Variants in RNF32 observed in about 807,000 individuals in gnomAD.
RNF32 encodes ring finger protein 32.
Under a neutral mutation model 41.0 loss-of-function variants are expected in RNF32, and 36 were observed. The ratio of observed to expected loss-of-function variants is 0.88; its 90% CI spans 0.67 to 1.16. RNF32 has a LOEUF of 1.16. Ranked by LOEUF, RNF32 falls within the 50% of genes most tolerant of loss-of-function variation. The pLI, the probability that RNF32 is intolerant of heterozygous loss-of-function variation, is 0.00. For missense variants in RNF32, 413 were observed against 436.7 expected (o/e 0.95, Z 0.48); for synonymous variants, 154 against 160.9 (o/e 0.96, Z 0.32).
At chr7:156,664,697 T>C (rs1269590224) in intron 7 of RNF32, among the ~76,000 whole-genome samples, 1 of 152,224 alleles carries the variant, frequency 6.6e-6, no homozygotes, top group Non-Finnish European at 1.5e-5. Flanking sequence ...TAATAATAAA[T>C]GTGAGACAAA....
At chr7:156,664,860 TA>T (rs1563089634) in intron 7 of RNF32, among the ~76,000 whole-genome samples, 1 of 152,202 alleles carries the variant, frequency 6.6e-6, no homozygotes. Flanking sequence ...TTTCCAATGA[TA>T]GAAACAGAAT....
At chr7:156,673,919 A>AAAAG (rs1803191137) in intron 7 of RNF32, among the ~76,000 whole-genome samples, 4 of 150,196 alleles carry the variant, frequency 2.7e-5, no homozygotes, top group South Asian at 4.2e-4. Context: ...AAAAAAAAAA[A>AAAAG]AAAGAAAAAG....
At chr7:156,640,508 CGCTGCGCGAGCCTCGACG>C (rs1797132217), upstream of RNF32, 1 of 356,686 alleles carries the variant, frequency 2.8e-6, no homozygotes, top group Admixed American at 3.9e-5. Context: ...CAAAAACGCC[CGCTGCGCGAGCCTCGACG>C]GGAACGCACC....
At chr7:156,640,966 G>A (rs947350372) in intron 1 of RNF32, 155 bp downstream of exon 1, 5 of 174,244 alleles carry the variant, frequency 2.9e-5, no homozygotes, top group Admixed American at 1.9e-4. Flanking sequence ...GTCGGGTCCC[G>A]TAGCGGCGCG....
chr7:156,664,361 T>C (rs562318118), intron 7 of RNF32, among the ~76,000 whole-genome samples: 85 of 152,204 alleles, frequency 5.6e-4, no homozygotes, highest in African/African-American at 2.0e-3. Context: ...CTCAGGAGGC[T>C]GAGGCAGGAG....
Position 156,651,092 on chromosome 7 carries a change from A to C in RNF32, c.275-3484A>C, listed in dbSNP as rs996222454. Among the ~76,000 whole-genome samples, 5 of 152,264 alleles carry C rather than the reference A, an allele frequency of 3.3e-5. No homozygotes were observed. In the East Asian group the frequency reaches 9.7e-4, roughly 29 times the overall value. On this transcript the variant is annotated intron_variant, in intron 3 of 8. Transcript: ENST00000317955. ...GATCCATGGGCATAGTTTTAGAAGT[A>C]AAATTGTTCTATGAGGATTATAACA...
At chr7:156,676,292 CAG>C (rs750580669) in intron 8 of RNF32, 125 bp from the exon 9 acceptor site, 4 of 1,591,312 alleles carry the variant, frequency 2.5e-6, no homozygotes, top group Non-Finnish European at 3.4e-6. Context: ...GATTTTAACA[CAG>C]AATGAAACTT....
At chr7:156,675,905 C>T in intron 8 of RNF32, 42 bp downstream of exon 8, 1 of 1,590,860 alleles carries the variant, frequency 6.3e-7, no homozygotes, top group Non-Finnish European at 8.6e-7. Flanking sequence ...GACTCAGCTG[C>T]AGCTGCAGAG....
chr7:156,673,754 C>A (rs765235151), intron 7 of RNF32, among the ~76,000 whole-genome samples: 1 of 152,172 alleles, frequency 6.6e-6, no homozygotes, highest in Non-Finnish European at 1.5e-5. Flanking sequence ...AGAAAGGCAG[C>A]TCATAGTCTC....
rs376626553 is a variant in RNF32, at chr7:156,644,609, A to C, written c.126A>C (p.Thr42=). The C allele has an allele frequency of 9.9e-6, 16 of 1,613,562 alleles. No individual in the cohort carries two copies. Among genetic ancestry groups the C allele is most frequent in the Non-Finnish European group, 1.4e-5 (16 of 1,179,656 alleles). The part of the protein sequence containing the change: ...RNLSVADHSK[T]QVQKKENKSL... ...TTTCAGTTGCAGATCATTCTAAGAC[A>C]CAAGTACAAAAGAAAGAGAACAAAT... is the stretch of plus-strand genomic sequence containing the variant. The change falls in exon 3 of 9, where the codon ACA becomes ACC. Residue 42 remains threonine (T), a synonymous_variant. Transcript: ENST00000317955.
At position 156,657,577 on chromosome 7, in the gene RNF32, A is replaced by C; in HGVS notation, c.450+4A>C. On this transcript the variant is annotated splice_donor_region_variant and intron_variant, in intron 5 of 8. Transcript: ENST00000317955. ...ATGCTCCCATGTGTTCCACAAAGTA[A>C]GTCCACCCCTCACGCCTGCCCAGGT... The C allele has an allele frequency of 6.2e-7, 1 of 1,614,074 alleles. No individual in the cohort carries two copies. The highest frequency in any genetic ancestry group is 1.3e-5 in the African/African-American group (1 of 75,056).
At chr7:156,658,602 G>C (rs771336418) in intron 7 of RNF32, 32 bp downstream of exon 7, 4 of 1,414,810 alleles carry the variant, frequency 2.8e-6, no homozygotes, top group Non-Finnish European at 4.0e-6. Flanking sequence ...CTCCAGATAT[G>C]GTCTCCGTGC....
chr7:156,644,629 A>C lies in RNF32; in HGVS notation c.146A>C (p.Asn49Thr). Residue 49 changes from asparagine (N) to threonine (T), a missense_variant, in exon 3 of 9, where the codon AAC (asparagine) becomes ACC (threonine). By Grantham distance (65) the Asn-to-Thr change is moderately conservative. Coordinates refer to ENST00000317955, the MANE Select transcript of RNF32 (RefSeq NM_030936.4). ...HSKTQVQKKE[N>T]KSLKRDTKAI... Reference sequence around the variant, plus strand: ...AAGACACAAGTACAAAAGAAAGAGAACAAATCTCTAAAAAGAGATACAAAG... The same window carrying C: ...AAGACACAAGTACAAAAGAAAGAGACCAAATCTCTAAAAAGAGATACAAAG... 1 of 1,613,554 alleles carries C rather than the reference A, an allele frequency of 6.2e-7. No individual in the cohort carries two copies. The highest frequency in any genetic ancestry group is 8.5e-7 in the Non-Finnish European group (1 of 1,179,520).
In RNF32 at chr7:156,676,436, C is replaced by G. The variant is rs1398546398; in HGVS notation, c.870C>G (p.Thr290=). 1 of 1,613,950 alleles carries G rather than the reference C, an allele frequency of 6.2e-7. No individual in the cohort carries two copies. Among genetic ancestry groups the G allele is most frequent in the East Asian group, 2.2e-5 (1 of 44,886 alleles). The change falls in exon 9 of 9, where the codon ACC becomes ACG. Residue 290 remains threonine, a synonymous_variant. Coordinates refer to ENST00000317955, the MANE Select transcript of RNF32 (RefSeq NM_030936.4). ...TGCCGCAGGCTCTGCGCCGGGAGAC[C>G]CACGAGTGCTCCATCTGCCTGGCCC... is the stretch of plus-strand genomic sequence containing the variant. ...KIQVQALRRE[T]HECSICLAPL... is the part of the protein sequence containing the mutation.
intron 7 of RNF32, among the ~76,000 whole-genome samples, chr7:156,661,867 T>C (rs890841449): frequency 6.6e-6 from 1 of 152,202 alleles, no homozygotes; most frequent in African/African-American, 2.4e-5. Flanking sequence ...CCGTGTTATC[T>C]GCTGAACTGT....
Position 156,660,960 on chromosome 7 carries a change from T to G in RNF32, c.684+2390T>G, listed in dbSNP as rs143270222. ...GGGGGTTTACAGATTGTAGGTGGAT[T>G]CAGAGATTCTTTATTTGCAGTTGGT... On this transcript the variant is annotated intron_variant, in intron 7 of 8. Coordinates refer to ENST00000317955, the MANE Select transcript of RNF32 (RefSeq NM_030936.4). Among the ~76,000 whole-genome samples, 1,214 of 152,314 alleles carry G rather than the reference T, an allele frequency of 8.0e-3. 22 individuals are homozygous for G. The highest frequency in any genetic ancestry group is 0.057 in the South Asian group (273 of 4,826).
At chr7:156,645,207 G>A (rs965573169) in intron 3 of RNF32, among the ~76,000 whole-genome samples, 15 of 152,300 alleles carry the variant, frequency 9.8e-5, no homozygotes, top group African/African-American at 3.1e-4. Context: ...TTTCTCCAGA[G>A]ATGCAAGTAC....
At chr7:156,648,825 C>A (rs908230384) in intron 3 of RNF32, among the ~76,000 whole-genome samples, 1 of 152,092 alleles carries the variant, frequency 6.6e-6, no homozygotes, top group African/African-American at 2.4e-5. Flanking sequence ...ATATTGAATA[C>A]AATTTTCATT....
upstream of RNF32, chr7:156,640,638 G>A (rs183147461): frequency 5.8e-3 from 2,223 of 385,368 alleles, 17 homozygotes; most frequent in Non-Finnish European, 9.0e-3. Context: ...TGTGGGCCGG[G>A]CGGGGCTGGC....
Sources: allele counts gnomAD v4.1 joint callset (sites outside exome capture counted in the v4.1 genomes callset), GRCh38; gene constraint gnomAD v4.1.1; transcripts MANE v1.5; gene names NCBI Gene and HGNC (gene_info 2026-07-23, HGNC 2026-07-21).